The following TMIGD3 variants were observed in gnomAD, a reference collection of about 807,000 sequenced individuals.
The protein encoded by TMIGD3 is transmembrane and immunoglobulin domain containing 3, also known as AD026 protein (AD026).
A neutral mutation model predicts 28.1 loss-of-function variants in TMIGD3; 21 were observed. The observed-to-expected ratio is 0.75, with a 90% CI of 0.53 to 1.08. The LOEUF (loss-of-function observed/expected upper bound fraction) is 1.08, where lower values mean the gene tolerates loss of function less well. Among genes scored for constraint, TMIGD3 ranks in the 50% least tolerant of loss-of-function variants. The pLI, the probability that TMIGD3 is intolerant of heterozygous loss-of-function variation, is 0.00. For synonymous variants in TMIGD3, 151 were observed against 162.1 expected, an observed-to-expected ratio of 0.93 and a Z score of 0.52; for missense variants, 416 against 435.6, an observed-to-expected ratio of 0.96 and a Z score of 0.40.
intron 1 of TMIGD3, among the ~76,000 whole-genome samples, chr1:111,539,548 G>C (rs112278645): frequency 6.6e-6 from 1 of 151,982 alleles, no homozygotes; most frequent in Non-Finnish European, 1.5e-5. Context: ...CGCCCGCCTC[G>C]GCCTCCCAAA....
intron 1 of TMIGD3, chr1:111,500,323 G>T (rs753758361): frequency 6.2e-7 from 1 of 1,614,216 alleles, no homozygotes; most frequent in South Asian, 1.1e-5. Context: ...AAGATAGATG[G>T]CGCACATGAC....
At chr1:111,504,875 G>T, upstream of TMIGD3, 3 of 985,034 alleles carry the variant, frequency 3.0e-6, no homozygotes, top group Non-Finnish European at 3.6e-6. Context: ...ACTTGTCCCC[G>T]CCAGACTTGT....
chr1:111,556,736 G>A (rs1057222339), intron 1 of TMIGD3, among the ~76,000 whole-genome samples: 1 of 152,108 alleles, frequency 6.6e-6, no homozygotes, highest in African/African-American at 2.4e-5. Flanking sequence ...GGGCTTGAGG[G>A]AGGGAGGAGT....
chr1:111,500,226 C>A lies in TMIGD3; in HGVS notation c.350+2779G>T. 6.2e-7 allele frequency: 1 copy of A among 1,614,158 alleles called. No individual in the cohort carries two copies. Among genetic ancestry groups the A allele is most frequent in the South Asian group, 1.1e-5 (1 of 91,082 alleles). On this transcript the variant is annotated intron_variant, in intron 1 of 5. Transcript: ENST00000369716. Reference sequence around the variant, plus strand: ...GAACCAGAAACAAGGACTTAGCCGTCTTGAACTCCCGTCCATAAAATGCAC... The same window carrying A: ...GAACCAGAAACAAGGACTTAGCCGTATTGAACTCCCGTCCATAAAATGCAC...
chr1:111,488,256 T>C (rs971308956), intron 3 of TMIGD3, among the ~76,000 whole-genome samples: 4 of 151,728 alleles, frequency 2.6e-5, no homozygotes, highest in Non-Finnish European at 4.4e-5. Flanking sequence ...TGAGTCTCAC[T>C]CTATCGCCCA....
chr1:111,512,075 C>T (rs557691300), intron 1 of TMIGD3, among the ~76,000 whole-genome samples: 236 of 152,356 alleles, frequency 1.5e-3, no homozygotes, highest in South Asian at 4.1e-3. Flanking sequence ...ACTCTGTCCC[C>T]GTTTTCTGAA....
intron 4 of TMIGD3, 115 bp from the exon 5 acceptor site, chr1:111,485,955 A>T (rs2275796): frequency 0.53 from 385,051 of 727,434 alleles, 105,850 homozygotes; most frequent in Admixed American, 0.59. Context: ...ACCCAGTTAC[A>T]GTAGCTTCTG....
chr1:111,556,428 A>T (rs1363857168), intron 1 of TMIGD3, among the ~76,000 whole-genome samples: 1 of 152,188 alleles, frequency 6.6e-6, no homozygotes, highest in African/African-American at 2.4e-5. Flanking sequence ...GAAAGTGGGG[A>T]CTTGAACAGA....
intron 1 of TMIGD3, among the ~76,000 whole-genome samples, chr1:111,534,820 C>T (rs139871967): frequency 1.3e-5 from 2 of 152,164 alleles, no homozygotes; most frequent in African/African-American, 2.4e-5. Context: ...ATGCTGACTT[C>T]CTCCCTTACT....
intron 1 of TMIGD3, among the ~76,000 whole-genome samples, chr1:111,516,932 A>T (rs554187440): frequency 6.6e-6 from 1 of 152,202 alleles, no homozygotes; most frequent in South Asian, 2.1e-4. Context: ...CACCATTCTC[A>T]CTCTTATCTA....
intron 1 of TMIGD3, among the ~76,000 whole-genome samples, chr1:111,521,670 G>A (rs146770992): frequency 2.6e-5 from 4 of 152,100 alleles, no homozygotes; most frequent in Non-Finnish European, 5.9e-5. Context: ...TTAGTTATAA[G>A]TCTTTCGTCA....
chr1:111,498,014 A>G (rs1259638562), intron 1 of TMIGD3, among the ~76,000 whole-genome samples: 1 of 152,216 alleles, frequency 6.6e-6, no homozygotes, highest in Non-Finnish European at 1.5e-5. Context: ...AAGCCCTAGA[A>G]TAAACCTAGG....
chr1:111,506,865 A>G (rs1312838858), upstream of TMIGD3, among the ~76,000 whole-genome samples: 1 of 150,148 alleles, frequency 6.7e-6, no homozygotes, highest in Non-Finnish European at 1.5e-5. Context: ...TTTTTATTGG[A>G]TCAAGGTACA....
chr1:111,543,873 C>A (rs1441291491), intron 1 of TMIGD3, among the ~76,000 whole-genome samples: 6 of 152,102 alleles, frequency 3.9e-5, no homozygotes, highest in South Asian at 2.1e-4. Context: ...AAGGATTGGG[C>A]CTTCTCAGAG....
At chr1:111,487,703 T>TC (rs1423801280) in intron 3 of TMIGD3, among the ~76,000 whole-genome samples, 1 of 152,222 alleles carries the variant, frequency 6.6e-6, no homozygotes, top group Non-Finnish European at 1.5e-5. Context: ...GGGTTCCAGT[T>TC]CCACCCACAC....
At chr1:111,523,984 A>T (rs1373411118) in intron 1 of TMIGD3, among the ~76,000 whole-genome samples, 3 of 145,432 alleles carry the variant, frequency 2.1e-5, no homozygotes, top group Admixed American at 2.0e-4. Flanking sequence ...TTCTGCTTGC[A>T]CTGAGTTTAG....
In TMIGD3 at chr1:111,483,749, T is replaced by G; in HGVS notation, c.982A>C (p.Thr328Pro). ...RSQRNRRVGN[T>P]LKPFSRVLTP... ...AGGACACGCGAGAAGGGCTTCAAAGTGTTGCCTACTTTGTTGGGGAATAGA... is the reference window on the plus strand; with the variant it reads ...AGGACACGCGAGAAGGGCTTCAAAGGGTTGCCTACTTTGTTGGGGAATAGA... Residue 328 changes from threonine to proline, a missense_variant, in exon 6 of 6, where the codon ACT (threonine) becomes CCT (proline). Thr to Pro is a conservative substitution (Grantham distance 38). Transcript: ENST00000369716. 1 of 1,613,936 alleles carries G rather than the reference T, an allele frequency of 6.2e-7. No individual in the cohort carries two copies. Among genetic ancestry groups the G allele is most frequent in the South Asian group, 1.1e-5 (1 of 91,082 alleles).
At chr1:111,530,349 A>G (rs952610364) in intron 1 of TMIGD3, among the ~76,000 whole-genome samples, 1 of 152,140 alleles carries the variant, frequency 6.6e-6, no homozygotes, top group Non-Finnish European at 1.5e-5. Flanking sequence ...ATTATTTTTA[A>G]AGAGATTTTT....
intron 1 of TMIGD3, among the ~76,000 whole-genome samples, chr1:111,561,236 A>G (rs992708358): frequency 6.6e-6 from 1 of 151,966 alleles, no homozygotes; most frequent in Non-Finnish European, 1.5e-5. Context: ...TGATCCTCCC[A>G]CTTCAGCCTC....
Sources: gnomAD v4.1 joint callset for allele counts (sites outside exome capture counted in the v4.1 genomes callset) on GRCh38, gnomAD v4.1.1 for gene constraint, MANE v1.5 for transcripts, NCBI Gene and HGNC (gene_info 2026-07-23, HGNC 2026-07-21) for gene names.